UQCC1: variants seen among roughly 807,000 people sequenced by gnomAD.
UQCC1 encodes the protein ubiquinol-cytochrome c reductase complex assembly factor 1.
Under a neutral mutation model 48.0 loss-of-function variants are expected in UQCC1, and 38 were observed. That is an observed-to-expected ratio of 0.79 (90% confidence interval 0.61 to 1.04). UQCC1 has a LOEUF of 1.04. Ranked by LOEUF, UQCC1 falls within the 50% of genes least tolerant of loss-of-function variation. UQCC1 has a pLI of 0.00. For missense variants in UQCC1, 368 were observed against 381.8 expected, an observed-to-expected ratio of 0.96 and a Z score of 0.30; for synonymous variants, 111 against 129.2, an observed-to-expected ratio of 0.86 and a Z score of 0.95.
intron 7 of UQCC1, among the ~76,000 whole-genome samples, chr20:35,324,837 A>G (rs1467735202): frequency 6.6e-6 from 1 of 152,222 alleles, no homozygotes; most frequent in African/African-American, 2.4e-5. Flanking sequence ...ATTCCTAACT[A>G]TATGTCCAAA....
chr20:35,393,121 T>C (rs547757060), intron 2 of UQCC1, among the ~76,000 whole-genome samples: 3 of 152,214 alleles, frequency 2.0e-5, no homozygotes, highest in African/African-American at 4.8e-5. Context: ...AAACTACTTA[T>C]ACATACATTG....
intron 9 of UQCC1, among the ~76,000 whole-genome samples, chr20:35,305,032 G>A (rs547731049): frequency 2.0e-5 from 3 of 152,182 alleles, no homozygotes; most frequent in South Asian, 2.1e-4. Context: ...TTGGGCCATC[G>A]GCCACACCAA....
intron 4 of UQCC1, among the ~76,000 whole-genome samples, chr20:35,375,544 C>T (rs1314262600): frequency 6.6e-6 from 1 of 151,980 alleles, no homozygotes; most frequent in African/African-American, 2.4e-5. Context: ...TTAAACAAAA[C>T]CCATGGTGAA....
At chr20:35,404,562 A>G (rs1273957708) in intron 1 of UQCC1, among the ~76,000 whole-genome samples, 1 of 152,010 alleles carries the variant, frequency 6.6e-6, no homozygotes, top group Non-Finnish European at 1.5e-5. Flanking sequence ...GATATACCTA[A>G]TGTAAATGAT....
chr20:35,308,157 T>C lies in UQCC1; in HGVS notation c.652-1378A>G, dbSNP rs368966416. Among the ~76,000 whole-genome samples, 23 of 152,384 alleles carry C rather than the reference T, an allele frequency of 1.5e-4. No individual in the cohort carries two copies. The East Asian group carries it at 1.9e-3, about 13-fold the overall frequency. The stretch of plus-strand genomic sequence containing the variant: ...CCAGGCCTGCTGCCAACAAGGGCCA[T>C]GTCCAGTATGGGGTGCTGACAGTTT... On this transcript the variant is annotated intron_variant, in intron 8 of 9. Transcript: ENST00000374385.
chr20:35,373,506 C>T lies in UQCC1; in HGVS notation c.406+678G>A, dbSNP rs868514072. Among the ~76,000 whole-genome samples the T allele has an allele frequency of 2.0e-5, 3 of 152,050 alleles. No individual in the cohort carries two copies. In the East Asian group the frequency reaches 5.8e-4, roughly 29 times the overall value. On this transcript the variant is annotated intron_variant, in intron 5 of 9. Coordinates refer to ENST00000374385, the MANE Select transcript of UQCC1 (RefSeq NM_018244.5). ...CCAGCCTAGCCAACATGGTGAAACC[C>T]CATGTCAACTAAAAATACAAAAATT...
chr20:35,391,842 A>C (rs556264144), intron 2 of UQCC1, among the ~76,000 whole-genome samples: 1 of 152,298 alleles, frequency 6.6e-6, no homozygotes, highest in South Asian at 2.1e-4. Flanking sequence ...CATTAGGGGA[A>C]GCCAGATGAA....
rs2061906120 is a variant in UQCC1, at chr20:35,383,895, T to C, written c.225+143A>G. On this transcript the variant is annotated intron_variant, in intron 3 of 9. Coordinates refer to ENST00000374385, the MANE Select transcript of UQCC1 (RefSeq NM_018244.5). ...TTGTCTGCCACTTACTTACCATCCT[T>C]GTGACCTTGGGCAAGTCACTTTACC... is the stretch of plus-strand genomic sequence containing the variant. 1.5e-5 allele frequency: 9 copies of C among 615,368 alleles called. No homozygotes were observed. In the South Asian group the frequency reaches 1.7e-4, roughly 12 times the overall value. The allele number at this position is 615,368 out of a possible 1,614,324, so 38.1% of individuals were successfully genotyped here.
intron 9 of UQCC1, 44 bp from the exon 10 acceptor site, chr20:35,304,113 C>A: frequency 6.2e-7 from 1 of 1,612,082 alleles, no homozygotes; most frequent in Non-Finnish European, 8.5e-7. Context: ...AGAGGCAGGG[C>A]AGAGGTGAGG....
At chr20:35,336,529 A>G (rs1600896079) in intron 7 of UQCC1, among the ~76,000 whole-genome samples, 2 of 152,198 alleles carry the variant, frequency 1.3e-5, no homozygotes, top group Admixed American at 1.3e-4. Flanking sequence ...GCAGTGATGC[A>G]GCCACAAGTC....
intron 1 of UQCC1, 122 bp downstream of exon 1, chr20:35,411,818 A>G: frequency 7.3e-7 from 1 of 1,367,634 alleles, no homozygotes; most frequent in Non-Finnish European, 1.0e-6. Context: ...AAAAGCGGCC[A>G]CTCAGCCTAG....
At chr20:35,356,092 T>G (rs1375988956) in intron 6 of UQCC1, among the ~76,000 whole-genome samples, 2 of 152,216 alleles carry the variant, frequency 1.3e-5, no homozygotes, top group African/African-American at 4.8e-5. Context: ...TTTCGCCACG[T>G]TGCCGAGGCT....
intron 7 of UQCC1, among the ~76,000 whole-genome samples, chr20:35,330,374 T>C (rs1367289822): frequency 6.6e-6 from 1 of 152,222 alleles, no homozygotes; most frequent in Non-Finnish European, 1.5e-5. Context: ...ATCATCTTTG[T>C]GGCTGTCAAG....
intron 6 of UQCC1, among the ~76,000 whole-genome samples, chr20:35,347,666 C>A (rs2061446040): frequency 6.6e-6 from 1 of 152,140 alleles, no homozygotes; most frequent in African/African-American, 2.4e-5. Context: ...TTGCCCAACA[C>A]CAGTTTTATA....
At chr20:35,380,272 A>G (rs142987198) in intron 4 of UQCC1, among the ~76,000 whole-genome samples, 171 of 152,338 alleles carry the variant, frequency 1.1e-3, no homozygotes, top group African/African-American at 3.9e-3. Flanking sequence ...AGTGTCAAAA[A>G]TTAAGATATT....
chr20:35,326,539 A>G (rs756463457), intron 7 of UQCC1, among the ~76,000 whole-genome samples: 26 of 152,212 alleles, frequency 1.7e-4, no homozygotes, highest in Admixed American at 3.3e-4. Flanking sequence ...GAGCACAGGC[A>G]TAACACACCA....
chr20:35,351,394 A>G (rs981630474), intron 6 of UQCC1, among the ~76,000 whole-genome samples: 16 of 36,694 alleles, frequency 4.4e-4, no homozygotes, highest in African/African-American at 8.8e-4. Flanking sequence ...TCCATCTCAA[A>G]AAAAAAAAAA....
At chr20:35,407,619 C>T (rs1601044479) in intron 1 of UQCC1, among the ~76,000 whole-genome samples, 1 of 152,310 alleles carries the variant, frequency 6.6e-6, no homozygotes, top group East Asian at 1.9e-4. Context: ...GATGCAGTGG[C>T]TCATGCCTGT....
At chr20:35,337,191 CTTTT>C (rs762321477) in intron 7 of UQCC1, among the ~76,000 whole-genome samples, 1 of 143,230 alleles carries the variant, frequency 7.0e-6, no homozygotes, top group African/African-American at 2.6e-5. Flanking sequence ...AGCTAGCATT[CTTTT>C]TTTTTTTTTT....
Sources: allele counts gnomAD v4.1 joint callset (sites outside exome capture counted in the v4.1 genomes callset), GRCh38; gene constraint gnomAD v4.1.1; transcripts MANE v1.5; gene names NCBI Gene and HGNC (gene_info 2026-07-23, HGNC 2026-07-21).